Variants in UGT1A10 observed in about 807,000 individuals in gnomAD.
The protein encoded by UGT1A10 is UDP glucuronosyltransferase family 1 member A10, also known as UDP-glucuronosyltransferase 1A10.
UGT1A10 carries 49 observed loss-of-function variants against 45.8 expected under a neutral mutation model. That is an observed-to-expected ratio of 1.07 (90% CI 0.85 to 1.36). UGT1A10 has a LOEUF of 1.36. Among genes scored for constraint, UGT1A10 ranks in the 40% most tolerant of loss-of-function variants. The pLI is 0.00. For synonymous variants in UGT1A10, 284 were observed against 249.7 expected (o/e 1.14, Z -1.29); for missense variants, 745 against 668.6 (o/e 1.11, Z -1.26).
chr2:233,711,980 C>T (rs1575497324), intron 1 of UGT1A10, among the ~76,000 whole-genome samples: 1 of 152,172 alleles, frequency 6.6e-6, no homozygotes, highest in African/African-American at 2.4e-5. Flanking sequence ...ACTAGAGCCC[C>T]CACAAATTAT....
At chr2:233,664,494 C>T (rs1170943841) in intron 1 of UGT1A10, among the ~76,000 whole-genome samples, 2 of 152,168 alleles carry the variant, frequency 1.3e-5, no homozygotes, top group Admixed American at 1.3e-4. Flanking sequence ...CAAGATTTTG[C>T]AGGCTGTACA....
At chr2:233,700,836 AG>A (rs1445397455) in intron 1 of UGT1A10, among the ~76,000 whole-genome samples, 2 of 152,118 alleles carry the variant, frequency 1.3e-5, no homozygotes, top group Non-Finnish European at 2.9e-5. Flanking sequence ...CTCGTCATTT[AG>A]CATTAGGTAT....
At chr2:233,691,135 A>G (rs2075030169) in intron 1 of UGT1A10, 2 of 985,700 alleles carry the variant, frequency 2.0e-6, no homozygotes, top group Non-Finnish European at 2.4e-6. Flanking sequence ...TTCTTCCTCT[A>G]GATGAACTGT....
At chr2:233,644,481 A>G (rs953204902) in intron 1 of UGT1A10, among the ~76,000 whole-genome samples, 2 of 152,048 alleles carry the variant, frequency 1.3e-5, no homozygotes, top group Non-Finnish European at 2.9e-5. Context: ...GATTCGCTTG[A>G]ACCTCGGAGG....
At chr2:233,644,443 C>T (rs1055976833) in intron 1 of UGT1A10, among the ~76,000 whole-genome samples, 6 of 152,032 alleles carry the variant, frequency 3.9e-5, no homozygotes, top group South Asian at 2.1e-4. Context: ...TGGTGCATGC[C>T]GGTAATCCCA....
chr2:233,670,800 C>T (rs28970009), intron 1 of UGT1A10, among the ~76,000 whole-genome samples: 1,964 of 152,140 alleles, frequency 0.013, 45 homozygotes, highest in African/African-American at 0.044. Context: ...GGGGCATTGT[C>T]CAAAAATCAA....
At chr2:233,659,504 T>G (rs1023928736) in intron 1 of UGT1A10, among the ~76,000 whole-genome samples, 5 of 152,168 alleles carry the variant, frequency 3.3e-5, no homozygotes, top group African/African-American at 1.2e-4. Context: ...AAGTATTCAT[T>G]AAGTGGGAGT....
chr2:233,706,801 G>A (rs2075925244), intron 1 of UGT1A10, among the ~76,000 whole-genome samples: 1 of 152,164 alleles, frequency 6.6e-6, no homozygotes, highest in African/African-American at 2.4e-5. Context: ...GCACCAATTA[G>A]GTTGGGTTGC....
intron 1 of UGT1A10, among the ~76,000 whole-genome samples, chr2:233,640,529 T>TA (rs1329945366): frequency 6.6e-6 from 1 of 152,238 alleles, no homozygotes; most frequent in Admixed American, 6.5e-5. Context: ...AACATCTTTT[T>TA]ATGTTGATCT....
At chr2:233,695,566 C>T (rs956189673) in intron 1 of UGT1A10, among the ~76,000 whole-genome samples, 1 of 150,778 alleles carries the variant, frequency 6.6e-6, no homozygotes, top group South Asian at 2.1e-4. Context: ...CCATTTTCAC[C>T]CCCCCTTCCC....
At chr2:233,747,473 T>A in intron 1 of UGT1A10, 2 of 1,608,772 alleles carry the variant, frequency 1.2e-6, no homozygotes, top group South Asian at 2.2e-5. Context: ...GGACCCAGGA[T>A]GAATTTGATC....
At chr2:233,688,870 G>T (rs1454445283) in intron 1 of UGT1A10, among the ~76,000 whole-genome samples, 1 of 152,140 alleles carries the variant, frequency 6.6e-6, no homozygotes, top group East Asian at 1.9e-4. Flanking sequence ...GGCCTTGCAG[G>T]ATAAGGAGTG....
At chr2:233,758,936 A>C (rs3755319) in intron 1 of UGT1A10, among the ~76,000 whole-genome samples, 79,279 of 152,106 alleles carry the variant, frequency 0.52, 21,809 homozygotes, top group African/African-American at 0.7. Context: ...TTGACTTCAA[A>C]TCAGTCATCA....
chr2:233,646,609 G>A (rs1234772439), intron 1 of UGT1A10, among the ~76,000 whole-genome samples: 1 of 149,446 alleles, frequency 6.7e-6, no homozygotes, highest in South Asian at 2.1e-4. Flanking sequence ...GGGGCAAAAT[G>A]CTGCCAGTCT....
chr2:233,765,711 TTAA>T (rs10664358), intron 1 of UGT1A10, among the ~76,000 whole-genome samples: 5,413 of 149,254 alleles, frequency 0.036, 331 homozygotes, highest in African/African-American at 0.13. Context: ...ATAATAATAA[TTAA>T]TAATAATAAT....
chr2:233,767,748 T>A (rs2126034446), intron 2 of UGT1A10, 101 bp from the exon 3 acceptor site: 2 of 1,587,100 alleles, frequency 1.3e-6, no homozygotes, highest in East Asian at 4.5e-5. Context: ...TGTTAAAGAC[T>A]GTTCCTTCAG....
At chr2:233,724,799 C>T (rs559235136) in intron 1 of UGT1A10, among the ~76,000 whole-genome samples, 7 of 139,258 alleles carry the variant, frequency 5.0e-5, no homozygotes, top group Non-Finnish European at 1.1e-4. Flanking sequence ...GACGGGGTGG[C>T]GGCCGGGCAG....
chr2:233,658,134 T>C (rs554459516), intron 1 of UGT1A10, among the ~76,000 whole-genome samples: 14 of 151,794 alleles, frequency 9.2e-5, no homozygotes, highest in Non-Finnish European at 2.9e-5. Flanking sequence ...TTCTTGTGCC[T>C]CAGCCTCCTG....
chr2:233,734,383 T>C (rs1334676170), intron 1 of UGT1A10, among the ~76,000 whole-genome samples: 1 of 152,214 alleles, frequency 6.6e-6, no homozygotes, highest in African/African-American at 2.4e-5. Context: ...GCCTTTACTA[T>C]TTTTTATTGC....
Sources: allele counts gnomAD v4.1 joint callset (sites outside exome capture counted in the v4.1 genomes callset), GRCh38; gene constraint gnomAD v4.1.1; transcripts MANE v1.5; gene names NCBI Gene and HGNC (gene_info 2026-07-23, HGNC 2026-07-21).